The following RNLS variants were observed in gnomAD, a reference collection of about 807,000 sequenced individuals.
RNLS encodes renalase.
In RNLS, 39 loss-of-function variants were observed where a neutral mutation model predicts 39.8. That is an observed-to-expected ratio of 0.98 (90% confidence interval 0.76 to 1.28). RNLS has a LOEUF of 1.28. RNLS is among the 50% of genes most tolerant of loss of function. The probability of loss-of-function intolerance (pLI) is 0.00; values close to 1 mark genes in which losing one functional copy is unlikely to be tolerated. For missense variants in RNLS, 410 were observed against 413.3 expected (o/e 0.99, Z 0.07); for synonymous variants, 147 against 150.7 (o/e 0.98, Z 0.18).
intron 4 of RNLS, among the ~76,000 whole-genome samples, chr10:88,554,409 A>C (rs949709519): frequency 6.6e-6 from 1 of 151,420 alleles, no homozygotes; most frequent in Non-Finnish European, 1.5e-5. Flanking sequence ...GAGGGGAAAA[A>C]TATTGACTGA....
rs1003936071 is a variant in RNLS, at chr10:88,409,369, C to T, written c.527-46644G>A. On this transcript the variant is annotated intron_variant, in intron 4 of 6. Coordinates refer to ENST00000331772, the MANE Select transcript of RNLS (RefSeq NM_001031709.3). ...TTGTGCTATAAGAACAAAGCACATA[C>T]GCTAATATTAGATGAATCATGATTC... Among the ~76,000 whole-genome samples the T allele has an allele frequency of 3.3e-5, 5 of 152,246 alleles. No individual in the cohort carries two copies. The Middle Eastern group carries it at 0.01, about 311-fold the overall frequency.
Position 88,314,642 on chromosome 10 carries a change from C to T in RNLS, c.701-1G>A. ...AGGGAAGGCCCAATTTCTGATGACT[C>T]TGTGGCATAAGAGGATCATAAAGAT... On this transcript the variant is annotated splice_acceptor_variant, in intron 5 of 6. Transcript: ENST00000331772. LOFTEE classifies it high-confidence loss of function. 1 of 1,612,458 alleles carries T rather than the reference C, an allele frequency of 6.2e-7. No individual in the cohort carries two copies. Among genetic ancestry groups the T allele is most frequent in the Non-Finnish European group, 8.5e-7 (1 of 1,179,122 alleles).
intron 4 of RNLS, among the ~76,000 whole-genome samples, chr10:88,499,079 C>T (rs1845324510): frequency 6.6e-6 from 1 of 152,040 alleles, no homozygotes; most frequent in Non-Finnish European, 1.5e-5. Flanking sequence ...TGGTAGTGTG[C>T]TTATGCAGGG....
At chr10:88,551,620 A>G (rs1265607678) in intron 4 of RNLS, among the ~76,000 whole-genome samples, 1 of 152,184 alleles carries the variant, frequency 6.6e-6, no homozygotes, top group Admixed American at 6.5e-5. Context: ...AATACACATG[A>G]ATTTTTCAAA....
At chr10:88,232,824 G>A in the RNLS span, among the ~76,000 whole-genome samples, 1 of 152,150 alleles carries the variant, frequency 6.6e-6, no homozygotes, top group East Asian at 1.9e-4. Flanking sequence ...TAAGTCTCAG[G>A]CTCAAGTAGA....
intron 4 of RNLS, among the ~76,000 whole-genome samples, chr10:88,565,440 C>T (rs1590029551): frequency 1.3e-5 from 2 of 152,098 alleles, no homozygotes; most frequent in Admixed American, 6.6e-5. Context: ...TGATTTGACC[C>T]ACAGATGTTA....
chr10:88,236,969 T>A, the RNLS span, among the ~76,000 whole-genome samples: 1 of 152,110 alleles, frequency 6.6e-6, no homozygotes. Context: ...CTGGAGTGTG[T>A]TTTTCTTACA....
At chr10:88,484,719 C>T (rs1844390841) in intron 4 of RNLS, among the ~76,000 whole-genome samples, 1 of 151,920 alleles carries the variant, frequency 6.6e-6, no homozygotes, top group African/African-American at 2.4e-5. Flanking sequence ...CTTTTCTAAA[C>T]TTTCCATCTA....
At chr10:88,402,700 T>TTTATAGAATGTTCTAGAAAATTCTATC (rs1247522623) in intron 4 of RNLS, among the ~76,000 whole-genome samples, 8 of 152,088 alleles carry the variant, frequency 5.3e-5, no homozygotes, top group African/African-American at 1.7e-4. Flanking sequence ...GACATTCTAT[T>TTTATAGAATGTTCTAGAAAATTCTATC]TTATAGAATG....
At chr10:88,462,429 C>T (rs1463656387) in intron 4 of RNLS, among the ~76,000 whole-genome samples, 2 of 151,974 alleles carry the variant, frequency 1.3e-5, no homozygotes, top group Non-Finnish European at 2.9e-5. Flanking sequence ...TTATCTGCCT[C>T]CATCAACTCT....
intron 4 of RNLS, among the ~76,000 whole-genome samples, chr10:88,528,520 C>T (rs1302946407): frequency 6.6e-6 from 1 of 152,032 alleles, no homozygotes; most frequent in African/African-American, 2.4e-5. Flanking sequence ...TGAGGCAGAT[C>T]TAGAGATAAA....
the RNLS span, among the ~76,000 whole-genome samples, chr10:88,198,780 C>T: frequency 2.0e-5 from 3 of 152,232 alleles, no homozygotes; most frequent in East Asian, 5.8e-4. Flanking sequence ...GCCATGCTTC[C>T]AGTGTAGCCT....
At chr10:88,396,744 A>G (rs1478055530) in intron 4 of RNLS, among the ~76,000 whole-genome samples, 1 of 151,218 alleles carries the variant, frequency 6.6e-6, no homozygotes, top group Admixed American at 6.6e-5. Context: ...TGCTCTCTAT[A>G]AGAGGTGCAC....
chr10:88,193,959 ACTC>A, the RNLS span, among the ~76,000 whole-genome samples: 1 of 151,792 alleles, frequency 6.6e-6, no homozygotes, highest in Non-Finnish European at 1.5e-5. Flanking sequence ...GGTCATCACT[ACTC>A]CTCTTGGCTA....
At chr10:88,311,941 A>G (rs1845414629) in intron 6 of RNLS, among the ~76,000 whole-genome samples, 1 of 152,126 alleles carries the variant, frequency 6.6e-6, no homozygotes, top group South Asian at 2.1e-4. Flanking sequence ...TCCCTTAGGG[A>G]GGCTTGAGCC....
chr10:88,410,613 C>T (rs1385108433), intron 4 of RNLS, among the ~76,000 whole-genome samples: 2 of 152,106 alleles, frequency 1.3e-5, no homozygotes, highest in Non-Finnish European at 2.9e-5. Context: ...GTTTTCATCT[C>T]AATGGTATAA....
chr10:88,444,252 C>T (rs1208144028), intron 4 of RNLS, among the ~76,000 whole-genome samples: 5 of 152,192 alleles, frequency 3.3e-5, no homozygotes, highest in African/African-American at 9.6e-5. Context: ...AGACCTGCAG[C>T]TGAGGGTCCT....
At chr10:88,201,661 C>T in the RNLS span, among the ~76,000 whole-genome samples, 2 of 150,284 alleles carry the variant, frequency 1.3e-5, no homozygotes, top group African/African-American at 4.9e-5. Context: ...TCGCTGAACC[C>T]TTCTTAGATT....
chr10:88,192,171 G>A, the RNLS span, among the ~76,000 whole-genome samples: 1 of 152,000 alleles, frequency 6.6e-6, no homozygotes, highest in Non-Finnish European at 1.5e-5. Context: ...TCCTTGTATT[G>A]TTTAAAGAAA....
Sources: gnomAD v4.1 joint callset for allele counts (sites outside exome capture counted in the v4.1 genomes callset) on GRCh38, gnomAD v4.1.1 for gene constraint, MANE v1.5 for transcripts, NCBI Gene and HGNC (gene_info 2026-07-23, HGNC 2026-07-21) for gene names.